DPP3: variants seen among roughly 807,000 people sequenced by gnomAD.
DPP3 encodes the protein DPP III.
Under a neutral mutation model 89.8 loss-of-function variants are expected in DPP3, and 64 were observed. The ratio of observed to expected loss-of-function variants is 0.71; its 90% confidence interval spans 0.58 to 0.88. The LOEUF (loss-of-function observed/expected upper bound fraction) is 0.88. Among genes scored for constraint, DPP3 ranks in the 40% least tolerant of loss-of-function variants. The pLI is 0.00. For missense variants in DPP3, 835 were observed against 972.5 expected, an observed-to-expected ratio of 0.86 and a Z score of 1.88; for synonymous variants, 377 against 404.3, an observed-to-expected ratio of 0.93 and a Z score of 0.81.
Position 66,491,616 on chromosome 11 carries a change from C to G in DPP3, c.921C>G (p.Ile307Met). 1 of 1,613,230 alleles carries G rather than the reference C, an allele frequency of 6.2e-7. No individual in the cohort carries two copies. Among genetic ancestry groups the G allele is most frequent in the South Asian group, 1.1e-5 (1 of 91,024 alleles). ...SRFWIQDKGP[I>M]VESYIGFIES... ...TCTGGATCCAGGACAAAGGCCCCAT[C>G]GTGGAGAGGTGAGGCGCCAGCTCCA... Residue 307 changes from isoleucine to methionine, a missense_variant, in exon 8 of 18, where the codon ATC becomes ATG. Coordinates refer to ENST00000531863, the MANE Select transcript of DPP3 (RefSeq NM_130443.4).
At position 66,493,170 on chromosome 11, in the gene DPP3, G is replaced by A; in HGVS notation, c.1287G>A (p.Glu429=). Residue 429 remains glutamate, a synonymous_variant, in exon 11 of 18, where the codon GAG becomes GAA. Transcript: ENST00000531863. ...GGGAGAAGCTTACCTTTCTGGAGGA[G>A]GATGACAAGGTGGGCGCCAGCAGTC... is the stretch of plus-strand genomic sequence containing the variant. ...TQREKLTFLE[E]DDKDLYILWK... The A allele has an allele frequency of 6.2e-7, 1 of 1,613,732 alleles. No homozygotes were observed. The highest frequency in any genetic ancestry group is 2.2e-5 in the East Asian group (1 of 44,888).
At chr11:66,489,525 G>C (rs767075690) in intron 6 of DPP3, among the ~76,000 whole-genome samples, 16 of 152,240 alleles carry the variant, frequency 1.1e-4, no homozygotes, top group Non-Finnish European at 2.1e-4. Context: ...CCTATACTTA[G>C]AGTACAAGAT....
intron 16 of DPP3, among the ~76,000 whole-genome samples, chr11:66,501,352 A>G (rs1590745701): frequency 6.6e-6 from 1 of 151,042 alleles, no homozygotes; most frequent in East Asian, 2.0e-4. Flanking sequence ...AAGAGTGAAA[A>G]TTACGTCTCA....
chr11:66,485,877 T>C (rs1045623959), intron 3 of DPP3, among the ~76,000 whole-genome samples: 10 of 152,082 alleles, frequency 6.6e-5, no homozygotes, highest in African/African-American at 2.4e-4. Flanking sequence ...TCCCAAGTAG[T>C]TGGGAATATG....
At chr11:66,492,013 G>T (rs184603581) in intron 9 of DPP3, among the ~76,000 whole-genome samples, 145 of 152,310 alleles carry the variant, frequency 9.5e-4, no homozygotes, top group African/African-American at 3.3e-3. Context: ...GGGCACAGTT[G>T]GGGGGTGGCC....
chr11:66,492,687 C>G, intron 9 of DPP3, 29 bp from the exon 10 acceptor site: 1 of 1,530,614 alleles, frequency 6.5e-7, no homozygotes, highest in South Asian at 1.3e-5. Context: ...GGAACCCTGC[C>G]AAGCCACAAC....
Position 66,509,404 on chromosome 11 carries a change from T to C in DPP3, c.*153T>C. 6.5e-7 allele frequency: 1 copy of C among 1,536,950 alleles called. No individual in the cohort carries two copies. The highest frequency in any genetic ancestry group is 8.7e-7 in the Non-Finnish European group (1 of 1,146,816). Reference sequence around the variant, plus strand: ...AGGGTGGTGACACAACCCCTTCCATTTGTCAGCACTTTCCAGCCTGCCAAT... The same window carrying C: ...AGGGTGGTGACACAACCCCTTCCATCTGTCAGCACTTTCCAGCCTGCCAAT... On this transcript the variant is annotated 3_prime_UTR_variant, in exon 18 of 18. Transcript: ENST00000531863.
intron 15 of DPP3, among the ~76,000 whole-genome samples, chr11:66,496,719 T>C (rs1855549261): frequency 6.6e-6 from 1 of 152,142 alleles, no homozygotes; most frequent in African/African-American, 2.4e-5. Flanking sequence ...CCACCAGCAA[T>C]AGAAACTTTT....
chr11:66,493,244 G>C, intron 11 of DPP3, 65 bp downstream of exon 11: 2 of 1,402,634 alleles, frequency 1.4e-6, no homozygotes, highest in Non-Finnish European at 2.0e-6. Flanking sequence ...CAGGAAGAGA[G>C]ACAGCCCAGA....
intron 16 of DPP3, among the ~76,000 whole-genome samples, chr11:66,502,290 TGG>T (rs1855697661): frequency 6.7e-6 from 1 of 150,272 alleles, no homozygotes; most frequent in African/African-American, 2.4e-5. Context: ...TGAGGTGAGG[TGG>T]GGGTTGTATG....
chr11:66,487,942 T>C lies in DPP3; in HGVS notation c.602T>C (p.Phe201Ser), dbSNP rs771623357. 2 of 1,614,072 alleles carry C rather than the reference T, an allele frequency of 1.2e-6. No individual in the cohort carries two copies. The highest frequency in any genetic ancestry group is 1.7e-5 in the Admixed American group (1 of 60,006). The change falls in exon 6 of 18, where the codon TTC becomes TCC. Residue 201 changes from phenylalanine (F) to serine (S), a missense_variant. Physicochemically the swap from Phe to Ser is radical, Grantham distance 155. Coordinates refer to ENST00000531863, the MANE Select transcript of DPP3 (RefSeq NM_130443.4). ...QNLSAYNTRL[F>S]KEVDGEGKPY... Reference sequence around the variant, plus strand: ...CTCAGTGCCTACAACACCCGGCTCTTCAAAGAGGTCGATGGAGAAGGGAAG... The same window carrying C: ...CTCAGTGCCTACAACACCCGGCTCTCCAAAGAGGTCGATGGAGAAGGGAAG...
At chr11:66,480,652 A>C (rs1234869718) in intron 1 of DPP3, 187 bp downstream of exon 1, 1 of 592,238 alleles carries the variant, frequency 1.7e-6, no homozygotes, top group Non-Finnish European at 2.6e-6. Context: ...CCGAACCTCG[A>C]GGCTGTGCTA....
Position 66,504,673 on chromosome 11 carries a change from T to C in DPP3, c.1940T>C (p.Val647Ala). Residue 647 changes from valine (V) to alanine (A), a missense_variant, in exon 17 of 18, where the codon GTC becomes GCC. Val to Ala is a moderately conservative substitution (Grantham distance 64, BLOSUM62 0). Transcript: ENST00000531863. ...GRALYEGYAT[V>A]TDAPPECFLT... ...GCCCTGTACGAGGGGTATGCAACAG[T>C]CACTGATGCGCCCCCCGAGTGCTTC... The C allele has an allele frequency of 6.2e-7, 1 of 1,612,932 alleles. No individual in the cohort carries two copies. Among genetic ancestry groups the C allele is most frequent in the South Asian group, 1.1e-5 (1 of 90,976 alleles).
At chr11:66,481,517 G>T (rs1422574335) in intron 1 of DPP3, among the ~76,000 whole-genome samples, 1 of 152,124 alleles carries the variant, frequency 6.6e-6, no homozygotes, top group East Asian at 1.9e-4. Flanking sequence ...CAAGGAAGCA[G>T]GGAGGGGCCT....
Position 66,509,194 on chromosome 11 carries a change from C to T in DPP3, c.2157C>T (p.Ala719=). ...PELEEILTQL[A]TADARFWKGP... is the part of the protein sequence containing the mutation. ...TGGAGGAGATCCTCACACAGCTGGC[C>T]ACAGCCGATGCCCGATTCTGGAAGG... Residue 719 remains alanine, a synonymous_variant, in exon 18 of 18, where the codon GCC becomes GCT. Transcript: ENST00000531863. 1.9e-6 allele frequency: 3 copies of T among 1,614,146 alleles called. No individual in the cohort carries two copies. Among genetic ancestry groups the T allele is most frequent in the Non-Finnish European group, 2.5e-6 (3 of 1,180,028 alleles).
chr11:66,505,598 T>C (rs1248318964), intron 17 of DPP3, among the ~76,000 whole-genome samples: 1 of 152,192 alleles, frequency 6.6e-6, no homozygotes, highest in African/African-American at 2.4e-5. Context: ...GGTATTGTTG[T>C]TATCCCCATT....
Position 66,507,126 on chromosome 11 carries a change from C to T in DPP3, c.2042-1953C>T, listed in dbSNP as rs772574815. On this transcript the variant is annotated intron_variant, in intron 17 of 17. Coordinates refer to ENST00000531863, the MANE Select transcript of DPP3 (RefSeq NM_130443.4). ...AGCCATGGGGGAGCCACTAGGGATC[C>T]GGAGGTGATCACAGCTCACTGGGGA... 6.1e-4 allele frequency among the ~76,000 whole-genome samples: 92 copies of T among 152,002 alleles called. 1 individual carries two copies. Among genetic ancestry groups the T allele is most frequent in the African/African-American group, 2.1e-3 (89 of 41,450 alleles).
At chr11:66,496,011 A>C (rs1218474707) in intron 15 of DPP3, among the ~76,000 whole-genome samples, 1 of 152,062 alleles carries the variant, frequency 6.6e-6, no homozygotes, top group African/African-American at 2.4e-5. Context: ...CAGTTGACGC[A>C]CTCTCTGCCA....
chr11:66,494,987 G>T (rs1335258436), intron 12 of DPP3, among the ~76,000 whole-genome samples: 1 of 152,188 alleles, frequency 6.6e-6, no homozygotes, highest in Non-Finnish European at 1.5e-5. Flanking sequence ...GGGGTAGGCA[G>T]CTCAGGTTCT....
Sources: allele counts gnomAD v4.1 joint callset (sites outside exome capture counted in the v4.1 genomes callset), GRCh38; gene constraint gnomAD v4.1.1; transcripts MANE v1.5; gene names NCBI Gene and HGNC (gene_info 2026-07-23, HGNC 2026-07-21).